The following JAKMIP1 variants were observed in gnomAD, a reference collection of about 807,000 sequenced individuals.
The protein encoded by JAKMIP1 is janus kinase and microtubule-interacting protein 1.
JAKMIP1 carries 33 observed loss-of-function variants against 113.0 expected under a neutral mutation model. That is an observed-to-expected ratio of 0.29 (90% confidence interval 0.22 to 0.39). JAKMIP1 has a LOEUF of 0.39. JAKMIP1 is among the 10% of genes least tolerant of loss of function. The pLI, the probability that JAKMIP1 is intolerant of heterozygous loss-of-function variation, is 1.00. For synonymous variants in JAKMIP1, 480 were observed against 459.9 expected, an observed-to-expected ratio of 1.04 and a Z score of -0.56; for missense variants, 813 against 1,080.5, an observed-to-expected ratio of 0.75 and a Z score of 3.47.
intron 3 of JAKMIP1, among the ~76,000 whole-genome samples, chr4:6,101,292 G>GT (rs914785157): frequency 1.9e-4 from 29 of 150,528 alleles, no homozygotes; most frequent in Non-Finnish European, 2.5e-4. Context: ...TGTATTTCCT[G>GT]TTTTTTTTTC....
At chr4:6,054,237 A>G (rs1578101973) in intron 12 of JAKMIP1, 89 bp from the exon 13 acceptor site, 1 of 1,345,772 alleles carries the variant, frequency 7.4e-7, no homozygotes. Context: ...GGCTGGAGGG[A>G]AACAGACGAC....
rs1714740679 is a variant in JAKMIP1, at chr4:6,044,472, C to A, written c.2029-2245G>T. On this transcript the variant is annotated intron_variant, in intron 16 of 20. Transcript: ENST00000409021. The surrounding 1 kb of genome is among the most constrained non-coding windows in gnomAD (Gnocchi z 4.4). Reference sequence around the variant, plus strand: ...CTCTGTGCCAGCCACGGTGGCAGCACCCAGCACCCTGTGCCAGCCGCGGTG... The same window carrying A: ...CTCTGTGCCAGCCACGGTGGCAGCAACCAGCACCCTGTGCCAGCCGCGGTG... 7.0e-6 allele frequency among the ~76,000 whole-genome samples: 1 copy of A among 143,840 alleles called. No homozygotes were observed. The highest frequency in any genetic ancestry group is 1.6e-5 in the Non-Finnish European group (1 of 63,804). The allele number at this position is 143,840 out of a possible 152,430, so 94.4% of individuals were successfully genotyped here.
intron 3 of JAKMIP1, among the ~76,000 whole-genome samples, chr4:6,098,762 G>C (rs1448846282): frequency 6.6e-6 from 1 of 150,460 alleles, no homozygotes; most frequent in African/African-American, 2.4e-5. Flanking sequence ...GAAAGAAAGA[G>C]AAAGAAAAGA....
At chr4:6,128,813 A>G (rs1718105050) in intron 1 of JAKMIP1, among the ~76,000 whole-genome samples, 1 of 152,092 alleles carries the variant, frequency 6.6e-6, no homozygotes, top group South Asian at 2.1e-4. Context: ...CCACCCCTGC[A>G]GGGCCACCAG....
At chr4:6,124,323 G>A (rs1020658893) in intron 1 of JAKMIP1, among the ~76,000 whole-genome samples, 8 of 152,164 alleles carry the variant, frequency 5.3e-5, no homozygotes, top group African/African-American at 1.9e-4. Flanking sequence ...TAGAAATGAC[G>A]GCAGAGCTGC....
In JAKMIP1 at chr4:6,079,819, A is replaced by ACC. The variant is rs1329012392; in HGVS notation, c.1242+352_1242+353insGG. On this transcript the variant is annotated intron_variant, in intron 7 of 20. Coordinates refer to ENST00000409021, the MANE Select transcript of JAKMIP1 (RefSeq NM_001099433.2). ...TAAAAACCAACCAACCAACCAACCA[A>ACC]ACAAACAAAAAGCCTTCTCTGGAAC... Among the ~76,000 whole-genome samples, 145 of 150,902 alleles carry ACC rather than the reference A, an allele frequency of 9.6e-4. 2 individuals carry two copies. Among genetic ancestry groups the ACC allele is most frequent in the African/African-American group, 3.3e-3 (133 of 40,520 alleles).
At chr4:6,148,782 C>T (rs530239749) in intron 1 of JAKMIP1, among the ~76,000 whole-genome samples, 8 of 152,270 alleles carry the variant, frequency 5.3e-5, no homozygotes, top group Non-Finnish European at 1.2e-4. Context: ...GCAGCCAGGA[C>T]CTCGTCTGCC....
intron 1 of JAKMIP1, among the ~76,000 whole-genome samples, chr4:6,123,607 C>T (rs895300282): frequency 6.6e-6 from 1 of 152,154 alleles, no homozygotes; most frequent in Non-Finnish European, 1.5e-5. Context: ...GATGGTTGAG[C>T]CCAGGAGTTC....
rs951970874 is a variant in JAKMIP1 at position 6,064,786 on chromosome 4, G to A, written c.1431+94C>T. On this transcript the variant is annotated intron_variant, in intron 9 of 20. Transcript: ENST00000409021. The surrounding 1 kb of genome is among the most constrained non-coding windows in gnomAD (Gnocchi z 4.3). ...TGGTCATCTGGGGTTCAGAACTATA[G>A]GCAAGGGAGCGAAACTTGCAACTAT... 6.5e-7 allele frequency: 1 copy of A among 1,532,826 alleles called. No individual in the cohort carries two copies. Among genetic ancestry groups the A allele is most frequent in the Admixed American group, 1.7e-5 (1 of 57,936 alleles). The allele number at this position is 1,532,826 out of a possible 1,614,324, so 95.0% of individuals were successfully genotyped here. A position where few individuals can be genotyped will look rare whatever the true frequency, so the allele number is the denominator to read the frequency against.
chr4:6,027,502 C>CA lies in JAKMIP1; in HGVS notation c.2446-1225dup, dbSNP rs1192551910. The stretch of plus-strand genomic sequence containing the variant: ...GGCAATGACGAAGGGACCAAGGGGC[C>CA]AGGGATAGTGGTGGCTGGAGCTATT... On this transcript the variant is annotated intron_variant, in intron 20 of 20. Transcript: ENST00000409021. Among the ~76,000 whole-genome samples the CA allele has an allele frequency of 2.6e-5, 4 of 152,136 alleles. No homozygotes were observed. The East Asian group carries it at 7.7e-4, about 29-fold the overall frequency.
chr4:6,031,891 C>A lies in JAKMIP1; in HGVS notation c.2380-2110G>T, dbSNP rs1712722322. ...TTTGTACCAAGTGTTTAGAGCAGAG[C>A]TTGGCATTGAGCACTCCATATGTTA... On this transcript the variant is annotated intron_variant, in intron 19 of 20. Transcript: ENST00000409021. This position sits in a 1 kb window ranked among gnomAD's most constrained non-coding sequence, Gnocchi z 4.4. 6.6e-6 allele frequency among the ~76,000 whole-genome samples: 1 copy of A among 152,234 alleles called. No homozygotes were observed.
intron 20 of JAKMIP1, among the ~76,000 whole-genome samples, chr4:6,028,914 T>C (rs912014258): frequency 1.3e-5 from 2 of 152,222 alleles, no homozygotes; most frequent in African/African-American, 4.8e-5. Flanking sequence ...CATTTGATGA[T>C]ACCCTATCCT....
At chr4:6,126,126 AAC>A (rs1349610488) in intron 1 of JAKMIP1, among the ~76,000 whole-genome samples, 17 of 148,744 alleles carry the variant, frequency 1.1e-4, no homozygotes, top group African/African-American at 4.2e-4. Flanking sequence ...ACCATGCAGA[AAC>A]ACACAAACAC....
At chr4:6,149,847 G>A (rs1408368648) in intron 1 of JAKMIP1, among the ~76,000 whole-genome samples, 1 of 152,028 alleles carries the variant, frequency 6.6e-6, no homozygotes, top group East Asian at 1.9e-4. Flanking sequence ...CAGGCTGATG[G>A]TCAAGATCCT....
intron 12 of JAKMIP1, 133 bp from the exon 13 acceptor site, chr4:6,054,281 G>A: frequency 2.5e-6 from 2 of 812,842 alleles, no homozygotes; most frequent in Admixed American, 2.3e-5. Flanking sequence ...AGAGGGCAGG[G>A]TTTGCAGCAA....
In JAKMIP1 at chr4:6,081,469, G is replaced by A. The variant is rs1720530082; in HGVS notation, c.1101+140C>T. 1.1e-6 allele frequency: 1 copy of A among 891,922 alleles called. No individual in the cohort carries two copies. Among genetic ancestry groups the A allele is most frequent in the Non-Finnish European group, 1.7e-6 (1 of 573,836 alleles). The allele number at this position is 891,922 out of a possible 1,614,324, so 55.3% of individuals were successfully genotyped here. ...GTGGAGAGAAAGGCGAGACATCTGT[G>A]ACTGACACTGTGCCTGGTGCTTTGT... On this transcript the variant is annotated intron_variant, in intron 6 of 20. Coordinates refer to ENST00000409021, the MANE Select transcript of JAKMIP1 (RefSeq NM_001099433.2). This position sits in a 1 kb window ranked among gnomAD's most constrained non-coding sequence, Gnocchi z 4.6.
In JAKMIP1 at chr4:6,097,925, G is replaced by T. The variant is rs1712100951; in HGVS notation, c.624+7548C>A. On this transcript the variant is annotated intron_variant, in intron 3 of 20. Transcript: ENST00000409021. The surrounding 1 kb of genome is among the most constrained non-coding windows in gnomAD (Gnocchi z 4.3). ...AAAGCTCTCTCCGTGGAACCGGAAAGAATAATTAAAATGCAATGCCCTTTA... is the reference window on the plus strand; with the variant it reads ...AAAGCTCTCTCCGTGGAACCGGAAATAATAATTAAAATGCAATGCCCTTTA... 6.6e-6 allele frequency among the ~76,000 whole-genome samples: 1 copy of T among 152,200 alleles called. No individual in the cohort carries two copies. The highest frequency in any genetic ancestry group is 2.1e-4 in the South Asian group (1 of 4,836).
At chr4:6,198,284 A>G (rs115219990) in intron 1 of JAKMIP1, among the ~76,000 whole-genome samples, 1,823 of 151,664 alleles carry the variant, frequency 0.012, 38 homozygotes, top group African/African-American at 0.042. Flanking sequence ...ATCGTTCTCC[A>G]CATACTCAAG....
In JAKMIP1 at chr4:6,154,500, T is replaced by TA. The variant is rs67524653; in HGVS notation, c.-147-41504dup. ...AATTTGTCAGATGTCTATAGTCCTT[T>TA]AAAAAAAAAAAAAAGCAGGGGGGAT... On this transcript the variant is annotated intron_variant, in intron 1 of 20. Transcript: ENST00000409021. This position sits in a 1 kb window ranked among gnomAD's most constrained non-coding sequence, Gnocchi z 4.2. Among the ~76,000 whole-genome samples, 689 of 137,060 alleles carry TA rather than the reference T, an allele frequency of 5.0e-3. 2 individuals carry two copies. Among genetic ancestry groups the TA allele is most frequent in the African/African-American group, 8.0e-3 (298 of 37,042 alleles). The allele number at this position is 137,060 out of a possible 152,430, so 89.9% of individuals were successfully genotyped here. A position where few individuals can be genotyped will look rare whatever the true frequency, so the allele number is the denominator to read the frequency against.
Sources: gnomAD v4.1 joint callset for allele counts (sites outside exome capture counted in the v4.1 genomes callset) on GRCh38, gnomAD v4.1.1 for gene constraint, Gnocchi (gnomAD v3.1) non-coding constraint, MANE v1.5 for transcripts, NCBI Gene and HGNC (gene_info 2026-07-23, HGNC 2026-07-21) for gene names.